Variants in RALB observed in about 807,000 individuals in gnomAD.
RALB encodes the protein ras-related protein Ral-B.
A neutral mutation model predicts 21.3 loss-of-function variants in RALB; 16 were observed. The observed-to-expected ratio is 0.75, with a 90% confidence interval of 0.51 to 1.14. RALB has a LOEUF of 1.14. RALB is among the 50% of genes most tolerant of loss of function. RALB has a pLI of 0.00. For synonymous variants in RALB, 93 were observed against 96.1 expected (o/e 0.97, Z 0.19); for missense variants, 161 against 256.2 (o/e 0.63, Z 2.54).
At chr2:120,275,151 T>C (rs558207493) in intron 1 of RALB, among the ~76,000 whole-genome samples, 1 of 152,346 alleles carries the variant, frequency 6.6e-6, no homozygotes, top group East Asian at 1.9e-4. Flanking sequence ...TTTTCCTCTG[T>C]TGGCGCACAG....
intron 1 of RALB, chr2:120,240,167 A>G: frequency 1.6e-6 from 2 of 1,289,434 alleles, no homozygotes; most frequent in Non-Finnish European, 2.0e-6. Context: ...TCGAAGCCCC[A>G]CAGTGACCTT....
chr2:120,243,923 A>G (rs979505357), intron 1 of RALB, among the ~76,000 whole-genome samples: 9 of 152,134 alleles, frequency 5.9e-5, no homozygotes, highest in Non-Finnish European at 1.2e-4. Flanking sequence ...TCACACTACT[A>G]TAAAGAACTA....
upstream of RALB, chr2:120,252,744 G>GC: frequency 2.0e-6 from 2 of 977,314 alleles, no homozygotes; most frequent in Non-Finnish European, 1.2e-6. Flanking sequence ...TTGGCTGACA[G>GC]CCCCCCGACG....
chr2:120,275,864 AAG>A lies in RALB; in HGVS notation c.-47-2750_-47-2749del, dbSNP rs138344743. ...GAGCAGAAATTGAATAGGAGAAAGAAAGAGAACGGTTCTCTGCCACAGAGAGT... is the reference window on the plus strand; with the variant it reads ...GAGCAGAAATTGAATAGGAGAAAGAAAGAACGGTTCTCTGCCACAGAGAGT... On this transcript the variant is annotated intron_variant, in intron 1 of 4. Coordinates refer to ENST00000272519, the MANE Select transcript of RALB (RefSeq NM_002881.3). 2.6e-5 allele frequency among the ~76,000 whole-genome samples: 4 copies of A among 152,278 alleles called. No homozygotes were observed. In the East Asian group the frequency reaches 7.7e-4, roughly 29 times the overall value.
Position 120,289,771 on chromosome 2 carries a change from CTG to C in RALB, c.501+18_501+19del. ...AACGTGGACAAGGTAGGCGTGAATT[CTG>C]TGTATTTCTCAGAAACAGACCTGAG... On this transcript the variant is annotated intron_variant, in intron 4 of 4. Coordinates refer to ENST00000272519, the MANE Select transcript of RALB (RefSeq NM_002881.3). 1 of 1,580,266 alleles carries C rather than the reference CTG, an allele frequency of 6.3e-7. No homozygotes were observed. The highest frequency in any genetic ancestry group is 8.6e-7 in the Non-Finnish European group (1 of 1,160,568).
chr2:120,276,625 G>A (rs544719816), intron 1 of RALB, among the ~76,000 whole-genome samples: 2 of 151,906 alleles, frequency 1.3e-5, no homozygotes, highest in African/African-American at 4.8e-5. Flanking sequence ...AAAAAAAAAG[G>A]AGGAAGTTCT....
chr2:120,283,242 AT>A (rs1690041585), intron 2 of RALB, among the ~76,000 whole-genome samples: 2 of 152,156 alleles, frequency 1.3e-5, no homozygotes, highest in South Asian at 4.1e-4. Flanking sequence ...CCCAACACAG[AT>A]TTGTAGACTT....
rs758303667 is a variant in RALB at position 120,278,712 on chromosome 2, G to A, written c.48G>A (p.Lys16=). Residue 16 remains lysine (K), a synonymous_variant, in exon 2 of 5, where the codon AAG becomes AAA. Transcript: ENST00000272519. ...SKGQSSLALH[K]VIMVGSGGVG... ...GCCAGAGCTCCTTGGCCCTCCACAAGGTGATCATGGTTGGCAGCGGAGGCG... is the reference window on the plus strand; with the variant it reads ...GCCAGAGCTCCTTGGCCCTCCACAAAGTGATCATGGTTGGCAGCGGAGGCG... 3 of 1,596,700 alleles carry A rather than the reference G, an allele frequency of 1.9e-6. No individual in the cohort carries two copies. The highest frequency in any genetic ancestry group is 2.3e-5 in the South Asian group (2 of 88,572).
At chr2:120,289,103 G>A (rs1206626260) in intron 3 of RALB, among the ~76,000 whole-genome samples, 1 of 152,074 alleles carries the variant, frequency 6.6e-6, no homozygotes. Flanking sequence ...CCACTAATAG[G>A]CTGCCACCTT....
At chr2:120,288,456 A>T (rs998003849) in intron 3 of RALB, among the ~76,000 whole-genome samples, 5 of 145,268 alleles carry the variant, frequency 3.4e-5, no homozygotes, top group Non-Finnish European at 6.0e-5. Context: ...GAGTGCTGGC[A>T]TTACAGATGT....
rs1162971678 is a variant in RALB, at chr2:120,252,890, G to A, written c.-138G>A. 5.1e-6 allele frequency: 5 copies of A among 985,512 alleles called. No homozygotes were observed. Among genetic ancestry groups the A allele is most frequent in the Non-Finnish European group, 6.0e-6 (5 of 830,100 alleles). 61.0% of individuals were successfully genotyped at this position (985,512 alleles called of 1,614,324 possible). A position where few individuals can be genotyped will look rare whatever the true frequency, so the allele number is the denominator to read the frequency against. ...GCAGCTCAATGACAAATCGGTGGAG[G>A]ACGGCTGGGGTCCGGCCCCGGGAGG... On this transcript the variant is annotated 5_prime_UTR_variant, in exon 1 of 5. Coordinates refer to ENST00000272519, the MANE Select transcript of RALB (RefSeq NM_002881.3).
chr2:120,245,675 G>C (rs905150660), intron 1 of RALB, among the ~76,000 whole-genome samples: 1 of 152,100 alleles, frequency 6.6e-6, no homozygotes, highest in African/African-American at 2.4e-5. Context: ...GAGTGCCAAG[G>C]CTGGATTTAC....
chr2:120,281,819 G>C (rs929123851), intron 2 of RALB, among the ~76,000 whole-genome samples: 2 of 152,150 alleles, frequency 1.3e-5, no homozygotes, highest in Admixed American at 6.5e-5. Context: ...GGGAAGAGAG[G>C]GGGTGGTGAG....
chr2:120,270,092 T>C (rs1689624813), intron 1 of RALB, among the ~76,000 whole-genome samples: 1 of 152,250 alleles, frequency 6.6e-6, no homozygotes, highest in Admixed American at 6.5e-5. Context: ...TTGTTTGACT[T>C]ACTGCTTTGC....
At chr2:120,264,054 G>A (rs905304208) in intron 1 of RALB, among the ~76,000 whole-genome samples, 12 of 151,848 alleles carry the variant, frequency 7.9e-5, no homozygotes, top group African/African-American at 2.9e-4. Context: ...TTACCATGTT[G>A]GCCAGGTTGG....
At chr2:120,271,839 G>A (rs1689672678) in intron 1 of RALB, among the ~76,000 whole-genome samples, 1 of 152,128 alleles carries the variant, frequency 6.6e-6, no homozygotes, top group South Asian at 2.1e-4. Flanking sequence ...ACATTAAAAT[G>A]CTTTATTTAT....
At chr2:120,290,017 T>C (rs1408708448) in intron 4 of RALB, among the ~76,000 whole-genome samples, 1 of 152,206 alleles carries the variant, frequency 6.6e-6, no homozygotes, top group African/African-American at 2.4e-5. Context: ...TGGGTTTTTC[T>C]TTTTTGAGAC....
chr2:120,251,034 G>A (rs1225426463), upstream of RALB, among the ~76,000 whole-genome samples: 3 of 152,176 alleles, frequency 2.0e-5, no homozygotes, highest in Admixed American at 2.0e-4. Context: ...CAAAGGAATG[G>A]CACTTCAGCA....
intron 1 of RALB, among the ~76,000 whole-genome samples, chr2:120,242,503 G>A (rs1348378698): frequency 1.3e-5 from 2 of 152,220 alleles, no homozygotes; most frequent in Non-Finnish European, 2.9e-5. Flanking sequence ...GGGAGGCTGA[G>A]GCGGGTTGAT....
Sources: gnomAD v4.1 joint callset for allele counts (sites outside exome capture counted in the v4.1 genomes callset) on GRCh38, gnomAD v4.1.1 for gene constraint, MANE v1.5 for transcripts, NCBI Gene and HGNC (gene_info 2026-07-23, HGNC 2026-07-21) for gene names.